FRRS1: variants seen among roughly 807,000 people sequenced by gnomAD.
The protein encoded by FRRS1 is ferric chelate reductase 1.
A neutral mutation model predicts 70.7 loss-of-function variants in FRRS1; 51 were observed. The observed-to-expected ratio is 0.72, with a 90% confidence interval of 0.58 to 0.91. The LOEUF (loss-of-function observed/expected upper bound fraction) is 0.91. Among genes scored for constraint, FRRS1 ranks in the 40% least tolerant of loss-of-function variants. FRRS1 has a pLI of 0.00. For missense variants in FRRS1, 672 were observed against 726.0 expected (o/e 0.93, Z 0.86); for synonymous variants, 225 against 238.7 (o/e 0.94, Z 0.53).
At chr1:99,742,565 A>G (rs568579424) in intron 4 of FRRS1, among the ~76,000 whole-genome samples, 2 of 152,364 alleles carry the variant, frequency 1.3e-5, no homozygotes, top group South Asian at 4.1e-4. Flanking sequence ...TGTTTCATGT[A>G]CATTATAAAT....
chr1:99,759,667 A>T (rs901694192), intron 1 of FRRS1, among the ~76,000 whole-genome samples: 16 of 152,214 alleles, frequency 1.1e-4, no homozygotes, highest in African/African-American at 3.4e-4. Flanking sequence ...AATTTTGTGG[A>T]CAAAGGGAAA....
intron 1 of FRRS1, among the ~76,000 whole-genome samples, chr1:99,751,199 C>T (rs1656551543): frequency 6.6e-6 from 1 of 152,112 alleles, no homozygotes. Context: ...AACCACAGGA[C>T]TTACACCAGC....
chr1:99,738,205 C>G lies in FRRS1; in HGVS notation c.640G>C (p.Glu214Gln). ...CIRSPLNCDP[E>Q]KEASCVFLSF... Reference sequence around the variant, plus strand: ...AAGAAGACACAGGAAGCCTCCTTCTCTGGGTCACAGTTCAAAGGACTCCTA... The same window carrying G: ...AAGAAGACACAGGAAGCCTCCTTCTGTGGGTCACAGTTCAAAGGACTCCTA... The change falls in exon 7 of 17, where the codon GAG becomes CAG. Residue 214 changes from glutamate (E) to glutamine (Q), a missense_variant. By Grantham distance (29) the Glu-to-Gln change is conservative. Coordinates refer to ENST00000646001, the MANE Select transcript of FRRS1 (RefSeq NM_001361041.2). The G allele has an allele frequency of 6.2e-7, 1 of 1,614,032 alleles. No individual in the cohort carries two copies. The highest frequency in any genetic ancestry group is 8.5e-7 in the Non-Finnish European group (1 of 1,179,910).
intron 1 of FRRS1, among the ~76,000 whole-genome samples, chr1:99,752,818 A>C (rs1656637650): frequency 6.6e-6 from 1 of 152,184 alleles, no homozygotes; most frequent in Admixed American, 6.5e-5. Flanking sequence ...TAGAGACACA[A>C]AGTGAGCACA....
chr1:99,762,125 C>T (rs1026832368), intron 1 of FRRS1, among the ~76,000 whole-genome samples: 12 of 152,106 alleles, frequency 7.9e-5, no homozygotes, highest in African/African-American at 2.2e-4. Context: ...AAGGCTGACA[C>T]AGTAAGTAAA....
intron 12 of FRRS1, among the ~76,000 whole-genome samples, chr1:99,713,819 G>A (rs187325904): frequency 4.9e-4 from 75 of 152,288 alleles, no homozygotes; most frequent in African/African-American, 1.7e-3. Context: ...TGACAAGTAA[G>A]TAAATTATAT....
intron 1 of FRRS1, among the ~76,000 whole-genome samples, chr1:99,761,534 A>C (rs1657112013): frequency 6.6e-6 from 1 of 152,178 alleles, no homozygotes; most frequent in Non-Finnish European, 1.5e-5. Flanking sequence ...CCCTCACAAT[A>C]ATTCTTTCCT....
At chr1:99,763,236 C>G (rs1025596486) in intron 1 of FRRS1, among the ~76,000 whole-genome samples, 1 of 151,884 alleles carries the variant, frequency 6.6e-6, no homozygotes, top group African/African-American at 2.4e-5. Context: ...GAAGTTTTGC[C>G]TTCTAAATGG....
chr1:99,727,563 C>T (rs78758302), intron 9 of FRRS1, among the ~76,000 whole-genome samples: 110 of 152,266 alleles, frequency 7.2e-4, no homozygotes, highest in African/African-American at 2.5e-3. Flanking sequence ...TTACCAAGAG[C>T]AGAAAATCTA....
intron 13 of FRRS1, 121 bp downstream of exon 13, chr1:99,712,297 G>T: frequency 1.0e-6 from 1 of 962,166 alleles, no homozygotes; most frequent in Non-Finnish European, 1.6e-6. Context: ...GTATTTCAAA[G>T]TAACTATAAT....
intron 6 of FRRS1, among the ~76,000 whole-genome samples, chr1:99,739,858 C>T (rs1655867198): frequency 6.8e-6 from 1 of 146,972 alleles, no homozygotes; most frequent in African/African-American, 2.4e-5. Flanking sequence ...GTTCTTTCAA[C>T]TGAAACAACC....
chr1:99,758,698 T>C (rs1423664482), intron 1 of FRRS1, among the ~76,000 whole-genome samples: 2 of 152,084 alleles, frequency 1.3e-5, no homozygotes, highest in South Asian at 2.1e-4. Context: ...AAACATAAGG[T>C]CTGACTGCCT....
chr1:99,717,605 A>G lies in FRRS1; in HGVS notation c.1121-80T>C, dbSNP rs1299033931. ...TTAAATGACCAAGCCAAATGCTCAG[A>G]AAATATAAACAGCCAGCAAAATACA... On this transcript the variant is annotated intron_variant, in intron 10 of 16. Coordinates refer to ENST00000646001, the MANE Select transcript of FRRS1 (RefSeq NM_001361041.2). 1.2e-5 allele frequency: 11 copies of G among 926,962 alleles called. No individual in the cohort carries two copies. In the East Asian group the frequency reaches 1.7e-4, roughly 14 times the overall value. The allele number at this position is 926,962 out of a possible 1,614,324, so 57.4% of individuals were successfully genotyped here.
intron 7 of FRRS1, among the ~76,000 whole-genome samples, chr1:99,735,710 T>C (rs1049978317): frequency 2.0e-5 from 3 of 152,232 alleles, no homozygotes; most frequent in Non-Finnish European, 4.4e-5. Flanking sequence ...TGGAAACAGA[T>C]AAGATTTCTA....
At chr1:99,716,473 C>A (rs527505928) in intron 11 of FRRS1, among the ~76,000 whole-genome samples, 1 of 152,266 alleles carries the variant, frequency 6.6e-6, no homozygotes, top group African/African-American at 2.4e-5. Context: ...AGCAAAGGCA[C>A]GCAAGTGCAA....
chr1:99,727,472 C>T lies in FRRS1; in HGVS notation c.1006+1021G>A, dbSNP rs116177893. Among the ~76,000 whole-genome samples, 385 of 152,184 alleles carry T rather than the reference C, an allele frequency of 2.5e-3. 2 individuals are homozygous for T. The highest frequency in any genetic ancestry group is 9.0e-3 in the African/African-American group (375 of 41,536). On this transcript the variant is annotated intron_variant, in intron 9 of 16. Coordinates refer to ENST00000646001, the MANE Select transcript of FRRS1 (RefSeq NM_001361041.2). Reference sequence around the variant, plus strand: ...GCAAAAAAAATAAATTAATAAAAAGCGAGTTAATTAATTTAAATGTTCCTA... The same window carrying T: ...GCAAAAAAAATAAATTAATAAAAAGTGAGTTAATTAATTTAAATGTTCCTA...
intron 9 of FRRS1, 52 bp downstream of exon 9, chr1:99,728,441 G>A (rs1338009032): frequency 7.0e-6 from 10 of 1,432,384 alleles, no homozygotes; most frequent in Non-Finnish European, 9.5e-6. Context: ...GGGAAAGAGA[G>A]GGAAGAAGAG....
rs6675020 is a variant in FRRS1 at position 99,766,437 on chromosome 1, T to A, written c.-106+170A>T. On this transcript the variant is annotated intron_variant, in intron 1 of 16. Transcript: ENST00000646001. Reference sequence around the variant, plus strand: ...AACCTAACTCGTTAGTGAACACTCATTAGCTCAATTCAAGCTCCAGAACAT... The same window carrying A: ...AACCTAACTCGTTAGTGAACACTCAATAGCTCAATTCAAGCTCCAGAACAT... Among the ~76,000 whole-genome samples the A allele has an allele frequency of 7.0e-3, 1,072 of 152,290 alleles. 19 individuals carry two copies. The highest frequency in any genetic ancestry group is 0.025 in the African/African-American group (1,028 of 41,546).
chr1:99,745,890 C>T (rs1473474260), intron 4 of FRRS1, among the ~76,000 whole-genome samples: 1 of 152,118 alleles, frequency 6.6e-6, no homozygotes, highest in Admixed American at 6.5e-5. Context: ...CCTCCCCCCC[C>T]ACTAACTCTC....
Sources: gnomAD v4.1 joint callset for allele counts (sites outside exome capture counted in the v4.1 genomes callset) on GRCh38, gnomAD v4.1.1 for gene constraint, MANE v1.5 for transcripts, NCBI Gene and HGNC (gene_info 2026-07-23, HGNC 2026-07-21) for gene names.